The following GRM5 variants were observed in gnomAD, a reference collection of about 807,000 sequenced individuals.
GRM5 encodes the protein metabotropic glutamate receptor 5.
A neutral mutation model predicts 83.1 loss-of-function variants in GRM5; 19 were observed. The ratio of observed to expected loss-of-function variants is 0.23; its 90% confidence interval spans 0.16 to 0.34. The LOEUF (loss-of-function observed/expected upper bound fraction) is 0.34. GRM5 is among the 10% of genes least tolerant of loss of function. GRM5 has a pLI of 1.00. For synonymous variants in GRM5, 675 were observed against 633.6 expected (o/e 1.07, Z -0.98); for missense variants, 1,160 against 1,588.3 (o/e 0.73, Z 4.58).
intron 2 of GRM5, among the ~76,000 whole-genome samples, chr11:88,875,532 A>T (rs957184392): frequency 6.6e-6 from 1 of 152,152 alleles, no homozygotes; most frequent in African/African-American, 2.4e-5. Context: ...TGAATCACTA[A>T]TGTTATTAAT....
chr11:88,749,618 A>T (rs778750579), intron 3 of GRM5, among the ~76,000 whole-genome samples: 31 of 152,148 alleles, frequency 2.0e-4, no homozygotes, highest in Non-Finnish European at 4.3e-4. Context: ...CCACAAAAAT[A>T]TCAAGCCATA....
intron 4 of GRM5, among the ~76,000 whole-genome samples, chr11:88,640,167 A>G (rs2135284956): frequency 6.6e-6 from 1 of 152,336 alleles, no homozygotes; most frequent in Non-Finnish European, 1.5e-5. Context: ...TATTAAGCCA[A>G]TAGTGTCACA....
intron 2 of GRM5, among the ~76,000 whole-genome samples, chr11:88,937,980 G>A (rs1426955555): frequency 1.3e-5 from 2 of 151,674 alleles, no homozygotes; most frequent in Non-Finnish European, 1.5e-5. Context: ...TTCATAATGA[G>A]CATGATGCCT....
intron 2 of GRM5, among the ~76,000 whole-genome samples, chr11:88,976,205 AGAGT>A (rs1209150706): frequency 6.6e-6 from 1 of 152,218 alleles, no homozygotes; most frequent in African/African-American, 2.4e-5. Flanking sequence ...TAAAATACAT[AGAGT>A]GTGTGCAGAT....
At chr11:88,764,116 G>A (rs1030722674) in intron 3 of GRM5, among the ~76,000 whole-genome samples, 4 of 151,632 alleles carry the variant, frequency 2.6e-5, no homozygotes, top group Non-Finnish European at 5.9e-5. Context: ...AGTGTCACAT[G>A]AGACAAGAAG....
At chr11:89,055,979 C>G (rs1420732197) in intron 1 of GRM5, among the ~76,000 whole-genome samples, 1 of 152,064 alleles carries the variant, frequency 6.6e-6, no homozygotes, top group Non-Finnish European at 1.5e-5. Flanking sequence ...GTGGGTAGTA[C>G]CAGAGCCAAG....
At chr11:88,596,294 A>G (rs1307308464) in intron 6 of GRM5, among the ~76,000 whole-genome samples, 1 of 152,040 alleles carries the variant, frequency 6.6e-6, no homozygotes, top group African/African-American at 2.4e-5. Context: ...CCTTGTTACC[A>G]CTATCACAGC....
At chr11:88,524,657 C>T (rs1281245974) in intron 9 of GRM5, among the ~76,000 whole-genome samples, 2 of 152,226 alleles carry the variant, frequency 1.3e-5, no homozygotes, top group Non-Finnish European at 2.9e-5. Context: ...TATAAAAGAA[C>T]ATGCACAGCA....
At chr11:88,856,900 A>G (rs983408497) in intron 2 of GRM5, among the ~76,000 whole-genome samples, 1 of 152,100 alleles carries the variant, frequency 6.6e-6, no homozygotes, top group Non-Finnish European at 1.5e-5. Flanking sequence ...AAAATTTGCA[A>G]GTAGGGAATG....
intron 3 of GRM5, among the ~76,000 whole-genome samples, chr11:88,762,252 A>G (rs1591496197): frequency 6.6e-6 from 1 of 152,140 alleles, no homozygotes; most frequent in African/African-American, 2.4e-5. Context: ...TAAACCAATA[A>G]CCAACAGAAT....
chr11:88,606,765 A>G (rs1938153463), intron 4 of GRM5, among the ~76,000 whole-genome samples: 1 of 152,112 alleles, frequency 6.6e-6, no homozygotes, highest in South Asian at 2.1e-4. Flanking sequence ...GGTAGAGGCC[A>G]TGATTATGGC....
intron 2 of GRM5, among the ~76,000 whole-genome samples, chr11:88,896,817 G>A (rs370499018): frequency 4.0e-5 from 6 of 151,818 alleles, no homozygotes; most frequent in African/African-American, 9.7e-5. Flanking sequence ...ACTGTTTCTG[G>A]AGATTAGCCT....
intron 9 of GRM5, chr11:88,524,184 T>C (rs1297051879): frequency 7.0e-6 from 1 of 142,758 alleles, no homozygotes; most frequent in Non-Finnish European, 1.5e-5. Context: ...TTCTTTTCTT[T>C]TTTCTTTTTC....
At chr11:88,969,481 C>T (rs1424639402) in intron 2 of GRM5, among the ~76,000 whole-genome samples, 1 of 152,034 alleles carries the variant, frequency 6.6e-6, no homozygotes, top group Non-Finnish European at 1.5e-5. Flanking sequence ...TTTACTGAAA[C>T]CAATCAGTGA....
intron 2 of GRM5, among the ~76,000 whole-genome samples, chr11:88,997,170 CA>C (rs1004140061): frequency 6.6e-6 from 1 of 150,908 alleles, no homozygotes. Flanking sequence ...ACTAAAAATA[CA>C]AAAAAATTAG....
intron 3 of GRM5, among the ~76,000 whole-genome samples, chr11:88,709,719 C>T (rs926187741): frequency 2.0e-5 from 3 of 152,070 alleles, no homozygotes; most frequent in African/African-American, 7.2e-5. Context: ...TCACCATTTC[C>T]GGGCAAGCTT....
intron 3 of GRM5, among the ~76,000 whole-genome samples, chr11:88,818,956 T>G (rs560294615): frequency 2.0e-5 from 3 of 152,204 alleles, no homozygotes; most frequent in Non-Finnish European, 4.4e-5. Flanking sequence ...AATTTCAACT[T>G]TCTAGAATAT....
intron 3 of GRM5, among the ~76,000 whole-genome samples, chr11:88,789,676 C>CA (rs1322319984): frequency 6.6e-6 from 1 of 152,274 alleles, no homozygotes; most frequent in Admixed American, 6.5e-5. Flanking sequence ...CCTCAAACCA[C>CA]ACACCAGTGG....
chr11:88,554,959 G>T (rs1260882224), intron 8 of GRM5, among the ~76,000 whole-genome samples: 1 of 152,136 alleles, frequency 6.6e-6, no homozygotes, highest in Non-Finnish European at 1.5e-5. Context: ...TTTGAATATG[G>T]AGCAAACAGG....
Sources: allele counts gnomAD v4.1 joint callset (sites outside exome capture counted in the v4.1 genomes callset), GRCh38; gene constraint gnomAD v4.1.1; transcripts MANE v1.5; gene names NCBI Gene and HGNC (gene_info 2026-07-23, HGNC 2026-07-21).